SLC4A4: variants seen among roughly 807,000 people sequenced by gnomAD.
SLC4A4 encodes the protein electrogenic sodium bicarbonate cotransporter 1.
SLC4A4 carries 27 observed loss-of-function variants against 111.5 expected under a neutral mutation model. The observed-to-expected ratio is 0.24, with a 90% CI of 0.18 to 0.33. SLC4A4 has a LOEUF of 0.33. Ranked by LOEUF, SLC4A4 falls within the 10% of genes least tolerant of loss-of-function variation. SLC4A4 has a pLI of 1.00. For missense variants in SLC4A4, 909 were observed against 1,315.5 expected (o/e 0.69, Z 4.78); for synonymous variants, 443 against 463.4 (o/e 0.96, Z 0.57).
intron 6 of SLC4A4, among the ~76,000 whole-genome samples, chr4:71,360,557 A>G (rs1049268734): frequency 3.9e-5 from 6 of 152,178 alleles, no homozygotes; most frequent in Admixed American, 2.6e-4. Context: ...GACATATTCA[A>G]TCTTCATTGT....
intron 16 of SLC4A4, among the ~76,000 whole-genome samples, chr4:71,506,024 T>C (rs1279871259): frequency 1.3e-5 from 2 of 151,974 alleles, no homozygotes; most frequent in African/African-American, 4.8e-5. Flanking sequence ...TATTTCTTGA[T>C]TTTCTATTTA....
chr4:71,465,701 G>A (rs931684568), intron 12 of SLC4A4, among the ~76,000 whole-genome samples: 8 of 151,918 alleles, frequency 5.3e-5, no homozygotes, highest in African/African-American at 7.2e-5. Flanking sequence ...TCGTTGACAC[G>A]TCACCTTTGT....
At chr4:71,491,410 C>T (rs1485450278) in intron 15 of SLC4A4, among the ~76,000 whole-genome samples, 1 of 151,936 alleles carries the variant, frequency 6.6e-6, no homozygotes, top group Non-Finnish European at 1.5e-5. Flanking sequence ...GAGAAATTGA[C>T]TCTCAGGCTA....
intron 2 of SLC4A4, among the ~76,000 whole-genome samples, chr4:71,143,302 T>A (rs554564285): frequency 6.6e-6 from 1 of 152,272 alleles, no homozygotes; most frequent in Admixed American, 6.5e-5. Context: ...GGCTGCATAG[T>A]ATTCCATGGT....
intron 16 of SLC4A4, among the ~76,000 whole-genome samples, chr4:71,504,067 C>A (rs1731173777): frequency 6.6e-6 from 1 of 152,080 alleles, no homozygotes; most frequent in Admixed American, 6.6e-5. Flanking sequence ...ATGCTTTTCT[C>A]TTGCAGCTTA....
chr4:71,188,113 G>T (rs1745573509), intron 1 of SLC4A4, among the ~76,000 whole-genome samples: 1 of 152,152 alleles, frequency 6.6e-6, no homozygotes, highest in Non-Finnish European at 1.5e-5. Flanking sequence ...TTTCTTAAGT[G>T]CATTTTACTC....
intron 12 of SLC4A4, among the ~76,000 whole-genome samples, chr4:71,459,885 C>T (rs1291133390): frequency 1.3e-5 from 2 of 151,906 alleles, no homozygotes; most frequent in Admixed American, 1.3e-4. Flanking sequence ...AATAATGGTT[C>T]ATTTTTGTTT....
intron 3 of SLC4A4, among the ~76,000 whole-genome samples, chr4:71,298,094 T>G (rs182936444): frequency 5.0e-4 from 76 of 152,310 alleles, no homozygotes; most frequent in African/African-American, 1.6e-3. Flanking sequence ...AATGAGATAA[T>G]ATATTTAAAA....
intron 12 of SLC4A4, among the ~76,000 whole-genome samples, chr4:71,459,573 A>G (rs1181142687): frequency 6.6e-6 from 1 of 152,040 alleles, no homozygotes; most frequent in African/African-American, 2.4e-5. Context: ...TGCATGTGCT[A>G]TTACTATAAC....
At chr4:71,408,552 T>G (rs1721079494) in intron 7 of SLC4A4, among the ~76,000 whole-genome samples, 1 of 152,128 alleles carries the variant, frequency 6.6e-6, no homozygotes, top group Non-Finnish European at 1.5e-5. Context: ...CTCTTTGGAG[T>G]TCATGCTCTT....
intron 7 of SLC4A4, among the ~76,000 whole-genome samples, chr4:71,432,516 T>A (rs764175101): frequency 6.6e-4 from 101 of 152,130 alleles, no homozygotes; most frequent in Non-Finnish European, 1.3e-3. Context: ...AAGATGTAAA[T>A]TTTTTTAAAA....
chr4:71,559,931 A>C (rs547843635), intron 22 of SLC4A4, among the ~76,000 whole-genome samples, 162 bp from the exon 23 acceptor site: 1 of 151,988 alleles, frequency 6.6e-6, no homozygotes, highest in Admixed American at 6.6e-5. Flanking sequence ...AAATTATGAG[A>C]GTTCACTCGG....
At chr4:71,386,048 T>A (rs192112747) in intron 6 of SLC4A4, among the ~76,000 whole-genome samples, 24 of 152,088 alleles carry the variant, frequency 1.6e-4, no homozygotes, top group African/African-American at 3.9e-4. Flanking sequence ...CTATATATAT[T>A]TTTTTCATGC....
At chr4:71,419,166 A>G (rs1382523860) in intron 7 of SLC4A4, among the ~76,000 whole-genome samples, 1 of 152,244 alleles carries the variant, frequency 6.6e-6, no homozygotes, top group East Asian at 1.9e-4. Context: ...TTGAGGAGGC[A>G]GTCTGCCCGT....
intron 4 of SLC4A4, among the ~76,000 whole-genome samples, chr4:71,343,613 T>C (rs1390702271): frequency 6.6e-6 from 1 of 152,208 alleles, no homozygotes; most frequent in Non-Finnish European, 1.5e-5. Context: ...AATTGGTAAA[T>C]TCTGTTTTAC....
chr4:71,102,029 A>T (rs1217012669), intron 2 of SLC4A4, among the ~76,000 whole-genome samples: 4,173 of 149,510 alleles, frequency 0.028, 93 homozygotes, highest in East Asian at 0.09. Flanking sequence ...TTGAAAAAAA[A>T]TTAGAAGAAT....
intron 8 of SLC4A4, among the ~76,000 whole-genome samples, chr4:71,445,847 T>C (rs1725177236): frequency 6.6e-6 from 1 of 152,242 alleles, no homozygotes; most frequent in South Asian, 2.1e-4. Context: ...AAGCACTTTA[T>C]AATACTATAC....
intron 2 of SLC4A4, among the ~76,000 whole-genome samples, chr4:71,137,887 A>G (rs1004821793): frequency 2.6e-5 from 4 of 152,256 alleles, no homozygotes; most frequent in African/African-American, 9.6e-5. Flanking sequence ...GAAATTTCAC[A>G]AAGAAACAAA....
intron 1 of SLC4A4, among the ~76,000 whole-genome samples, chr4:71,213,056 C>G (rs1308202851): frequency 3.9e-5 from 6 of 152,162 alleles, no homozygotes; most frequent in Admixed American, 3.9e-4. Flanking sequence ...ATAGGTTATA[C>G]CACATAGCCT....
Sources: gnomAD v4.1 joint callset for allele counts (sites outside exome capture counted in the v4.1 genomes callset) on GRCh38, gnomAD v4.1.1 for gene constraint, MANE v1.5 for transcripts, NCBI Gene and HGNC (gene_info 2026-07-23, HGNC 2026-07-21) for gene names.